WDR90: variants seen among roughly 807,000 people sequenced by gnomAD.
WDR90 encodes WD repeat-containing protein 90.
Under a neutral mutation model 195.2 loss-of-function variants are expected in WDR90, and 238 were observed. The observed-to-expected ratio is 1.22, with a 90% CI of 1.10 to 1.36. The LOEUF is 1.36. WDR90 is among the 40% of genes most tolerant of loss of function. The pLI is 0.00. For missense variants in WDR90, 2,734 were observed against 2,439.5 expected (o/e 1.12, Z -2.54); for synonymous variants, 1,265 against 1,052.4 (o/e 1.20, Z -3.91).
At chr16:653,999 C>T (rs988141848) in intron 13 of WDR90, 196 bp downstream of exon 13, 22 of 665,420 alleles carry the variant, frequency 3.3e-5, no homozygotes, top group Non-Finnish European at 5.5e-5. Context: ...ACCAGCAGCT[C>T]ACATTTCACG....
At chr16:660,935 T>TGGCCCCGCCCCCTGTTC in intron 28 of WDR90, 116 bp from the exon 29 acceptor site, 2 of 553,756 alleles carry the variant, frequency 3.6e-6, no homozygotes, top group African/African-American at 8.7e-5. Context: ...GCTAACCCCT[T>TGGCCCCGCCCCCTGTTC]GGCCCCGCCC....
chr16:651,744 A>T lies in WDR90; in HGVS notation c.837A>T (p.Thr279=). 7 of 1,613,072 alleles carry T rather than the reference A, an allele frequency of 4.3e-6. No homozygotes were observed. The highest frequency in any genetic ancestry group is 4.2e-6 in the Non-Finnish European group (5 of 1,179,986). ...CAGTGGTCCAGACGCCCAGCCCCAC[A>T]GCCGTGAGTACCCCCTTCGCCCTAT... The part of the protein sequence containing the change: ...VSPVVQTPSP[T]ASGRAALAPR... Residue 279 remains threonine, a synonymous_variant, in exon 8 of 41, where the codon ACA becomes ACT. Coordinates refer to ENST00000293879, the MANE Select transcript of WDR90 (RefSeq NM_145294.5).
In WDR90 at chr16:650,630, C is replaced by T. The variant is rs772813603; in HGVS notation, c.480C>T (p.Tyr160=). Residue 160 remains tyrosine, a synonymous_variant, in exon 5 of 41, where the codon TAC becomes TAT. Transcript: ENST00000293879. ...TCCTGGTCTACCTGAACCGGTGCTA[C>T]GGCCATCTCAAGAGCATCAGGCTGT... ...DVLLVYLNRC[Y]GHLKSIRLCA... 1.6e-5 allele frequency: 25 copies of T among 1,612,772 alleles called. No individual in the cohort carries two copies. The African/African-American group carries it at 1.9e-4, about 12-fold the overall frequency.
In WDR90 at chr16:656,789, A is replaced by G. The variant is rs754922139; in HGVS notation, c.2260A>G (p.Arg754Gly). 2 of 1,613,232 alleles carry G rather than the reference A, an allele frequency of 1.2e-6. No individual in the cohort carries two copies. Among genetic ancestry groups the G allele is most frequent in the Middle Eastern group, 1.6e-4 (1 of 6,062 alleles). ...GTGCGCTGTCACCTTCCACCCCACA[A>G]GGCCAACCTTTTTCTGTGGCTTTAG... is the stretch of plus-strand genomic sequence containing the variant. ...APCAVTFHPT[R>G]PTFFCGFSSG... The change falls in exon 19 of 41, where the codon AGG (arginine) becomes GGG (glycine). Residue 754 changes from arginine (R) to glycine (G), a missense_variant. Transcript: ENST00000293879.
chr16:657,319 T>G (rs2037781266), intron 20 of WDR90, 98 bp downstream of exon 20: 1 of 1,436,140 alleles, frequency 7.0e-7, no homozygotes, highest in African/African-American at 1.4e-5. Context: ...GGTTTCCTGG[T>G]GCACCGACTG....
In WDR90 at chr16:652,327, G is replaced by A. The variant is rs1171171042; in HGVS notation, c.1054-140G>A. 6.7e-6 allele frequency: 7 copies of A among 1,045,068 alleles called. No individual in the cohort carries two copies. The East Asian group carries it at 1.8e-4, about 27-fold the overall frequency. 64.7% of individuals were successfully genotyped at this position (1,045,068 alleles called of 1,614,324 possible). On this transcript the variant is annotated intron_variant, in intron 9 of 40. Coordinates refer to ENST00000293879, the MANE Select transcript of WDR90 (RefSeq NM_145294.5). Reference sequence around the variant, plus strand: ...GAGTCCCAGCTTCCACCTTACCACAGCCAGCAGGAGCCACCCAGGACCAGG... The same window carrying A: ...GAGTCCCAGCTTCCACCTTACCACAACCAGCAGGAGCCACCCAGGACCAGG...
chr16:659,450 A>G, intron 26 of WDR90, 74 bp downstream of exon 26: 2 of 1,537,396 alleles, frequency 1.3e-6, no homozygotes, highest in Non-Finnish European at 1.8e-6. Context: ...GGCAGCAGGT[A>G]CTCACGCACG....
At chr16:661,829 G>T in intron 31 of WDR90, 42 bp downstream of exon 31, 1 of 1,587,426 alleles carries the variant, frequency 6.3e-7, no homozygotes, top group Non-Finnish European at 8.6e-7. Flanking sequence ...TTGTTTTGTG[G>T]GGTGGAATCT....
At position 652,448 on chromosome 16, in the gene WDR90, A is replaced by T; in HGVS notation, c.1054-19A>T. On this transcript the variant is annotated intron_variant, in intron 9 of 40. Coordinates refer to ENST00000293879, the MANE Select transcript of WDR90 (RefSeq NM_145294.5). ...CCTGGCTGAGCCTCCCAGGACTTTG[A>T]TGCGAATGGCTGTTTCAGGGCTTCC... 6.3e-7 allele frequency: 1 copy of T among 1,593,582 alleles called. No individual in the cohort carries two copies. Among genetic ancestry groups the T allele is most frequent in the Non-Finnish European group, 8.6e-7 (1 of 1,168,308 alleles).
chr16:651,553 G>T (rs111638769), intron 7 of WDR90, 91 bp from the exon 8 acceptor site: 1 of 1,297,472 alleles, frequency 7.7e-7, no homozygotes, highest in South Asian at 1.3e-5. Context: ...GTGAGGCTGG[G>T]CCACTTGCTG....
chr16:659,235 T>A lies in WDR90; in HGVS notation c.3053-10T>A. ...CCTTCCCAAACATCACAGGGCTGCTTCTTCCCCAGGCCCGGGCGCAGGACC... is the reference window on the plus strand; with the variant it reads ...CCTTCCCAAACATCACAGGGCTGCTACTTCCCCAGGCCCGGGCGCAGGACC... On this transcript the variant is annotated splice_polypyrimidine_tract_variant and intron_variant, in intron 25 of 40. Coordinates refer to ENST00000293879, the MANE Select transcript of WDR90 (RefSeq NM_145294.5). The A allele has an allele frequency of 6.2e-7, 1 of 1,611,604 alleles. No individual in the cohort carries two copies. The highest frequency in any genetic ancestry group is 8.5e-7 in the Non-Finnish European group (1 of 1,179,496).
In WDR90 at chr16:656,503, C is replaced by A; in HGVS notation, c.2168C>A (p.Thr723Asn). Residue 723 changes from threonine (T) to asparagine (N), a missense_variant, in exon 18 of 41, where the codon ACC (threonine) becomes AAC (asparagine). Coordinates refer to ENST00000293879, the MANE Select transcript of WDR90 (RefSeq NM_145294.5). ...GQLATVSQDRTVRIWDLATLQ... is the reference protein window; with the variant it reads ...GQLATVSQDRNVRIWDLATLQ... ...CTGGCCACCGTGTCCCAGGACCGTA[C>A]CGTCCGCATCTGGGACCTGGCCACC... 1 of 1,576,986 alleles carries A rather than the reference C, an allele frequency of 6.3e-7. No homozygotes were observed. The highest frequency in any genetic ancestry group is 8.6e-7 in the Non-Finnish European group (1 of 1,163,856).
In WDR90 at chr16:666,200, G is replaced by A. The variant is rs2038030459; in HGVS notation, c.4610-20G>A. 1 of 1,608,794 alleles carries A rather than the reference G, an allele frequency of 6.2e-7. No homozygotes were observed. Among genetic ancestry groups the A allele is most frequent in the East Asian group, 2.2e-5 (1 of 44,704 alleles). On this transcript the variant is annotated intron_variant, in intron 36 of 40. Coordinates refer to ENST00000293879, the MANE Select transcript of WDR90 (RefSeq NM_145294.5). Reference sequence around the variant, plus strand: ...CCAGTCTCCGGGCTGGGGGCTCACAGGGTGACGGCATGGTCCCAGGTCAGA... The same window carrying A: ...CCAGTCTCCGGGCTGGGGGCTCACAAGGTGACGGCATGGTCCCAGGTCAGA...
chr16:665,797 A>T lies in WDR90; in HGVS notation c.4430A>T (p.Asn1477Ile). The T allele has an allele frequency of 2.9e-6, 4 of 1,399,202 alleles. No homozygotes were observed. Among genetic ancestry groups the T allele is most frequent in the Non-Finnish European group, 2.9e-6 (3 of 1,050,578 alleles). The allele number at this position is 1,399,202 out of a possible 1,614,324, so 86.7% of individuals were successfully genotyped here. Residue 1477 changes from asparagine to isoleucine, a missense_variant, in exon 35 of 41, where the codon AAC becomes ATC. Physicochemically the swap from Asn to Ile is moderately radical, Grantham distance 149. Transcript: ENST00000293879. The stretch of plus-strand genomic sequence containing the variant: ...CTTGTGATCCAGTTCCAGGTGCTGA[A>T]CCAGGTGTGTGGGGAGTGCCCGGGC... ...MELVIQFQVL[N>I]QSCLCLAWSP...
At chr16:649,585 G>C in intron 1 of WDR90, 159 bp downstream of exon 1, 1 of 1,166,176 alleles carries the variant, frequency 8.6e-7, no homozygotes, top group Non-Finnish European at 1.1e-6. Context: ...TCGGGCTCCC[G>C]GAGCTTGGCT....
In WDR90 at chr16:662,249, G is replaced by A. The variant is rs1263908689; in HGVS notation, c.4063G>A (p.Val1355Ile). 2 of 1,582,236 alleles carry A rather than the reference G, an allele frequency of 1.3e-6. No individual in the cohort carries two copies. Among genetic ancestry groups the A allele is most frequent in the Admixed American group, 3.6e-5 (2 of 55,360 alleles). Residue 1355 changes from valine (V) to isoleucine (I), a missense_variant, in exon 33 of 41, where the codon GTC (valine) becomes ATC (isoleucine). Coordinates refer to ENST00000293879, the MANE Select transcript of WDR90 (RefSeq NM_145294.5). ...GTTGCTGTTCTCGGGTTCTCGATTG[G>A]TCAGCGGCAGCAGCACGGGGCGGCT... The part of the protein sequence containing the change: ...GLLLFSGSRL[V>I]SGSSTGRLRL...
chr16:665,702 C>T lies in WDR90; in HGVS notation c.4335C>T (p.Pro1445=), dbSNP rs199511633. 29 of 1,612,630 alleles carry T rather than the reference C, an allele frequency of 1.8e-5. No individual in the cohort carries two copies. The highest frequency in any genetic ancestry group is 3.3e-5 in the Admixed American group (2 of 60,022). Reference sequence around the variant, plus strand: ...AGGTGAACGAGGTGGTCTTCAGCCCCGGGGAGTCCCACTGCGCCACATGCA... The same window carrying T: ...AGGTGAACGAGGTGGTCTTCAGCCCTGGGGAGTCCCACTGCGCCACATGCA... ...RSKVNEVVFS[P]GESHCATCSE... The change falls in exon 35 of 41, where the codon CCC becomes CCT. Residue 1445 remains proline, a synonymous_variant. Coordinates refer to ENST00000293879, the MANE Select transcript of WDR90 (RefSeq NM_145294.5).
Position 649,975 on chromosome 16 carries a change from G to C in WDR90, c.103-16G>C. On this transcript the variant is annotated splice_polypyrimidine_tract_variant and intron_variant, in intron 2 of 40. Coordinates refer to ENST00000293879, the MANE Select transcript of WDR90 (RefSeq NM_145294.5). ...CTTCTGGGTGCTGTCGGTGATGCGG[G>C]CTCCCGCTTCTCCAGGACAAGACCC... 3 of 1,611,430 alleles carry C rather than the reference G, an allele frequency of 1.9e-6. No homozygotes were observed. Among genetic ancestry groups the C allele is most frequent in the Non-Finnish European group, 1.7e-6 (2 of 1,179,016 alleles).
At chr16:664,064 G>A (rs2037971251) in intron 34 of WDR90, among the ~76,000 whole-genome samples, 1 of 152,210 alleles carries the variant, frequency 6.6e-6, no homozygotes. Flanking sequence ...TTGAGTTTGA[G>A]ACAGGTGAGG....
Sources: allele counts gnomAD v4.1 joint callset (sites outside exome capture counted in the v4.1 genomes callset), GRCh38; gene constraint gnomAD v4.1.1; transcripts MANE v1.5; gene names NCBI Gene and HGNC (gene_info 2026-07-23, HGNC 2026-07-21).